The following HSPA14 variants were observed in gnomAD, a reference collection of about 807,000 sequenced individuals.
HSPA14 encodes heat shock 70 kDa protein 14.
A neutral mutation model predicts 65.5 loss-of-function variants in HSPA14; 37 were observed. The observed-to-expected ratio is 0.56, with a 90% CI of 0.43 to 0.74. HSPA14 has a LOEUF of 0.74. Among genes scored for constraint, HSPA14 ranks in the 30% least tolerant of loss-of-function variants. HSPA14 has a pLI of 0.00. For synonymous variants in HSPA14, 203 were observed against 214.2 expected, an observed-to-expected ratio of 0.95 and a Z score of 0.46; for missense variants, 564 against 607.6, an observed-to-expected ratio of 0.93 and a Z score of 0.75.
rs182313989 is a variant in HSPA14, at chr10:14,856,912, G to T, written c.993+969G>T. On this transcript the variant is annotated intron_variant, in intron 10 of 13. Coordinates refer to ENST00000378372, the MANE Select transcript of HSPA14 (RefSeq NM_016299.4). ...GATTTTTAAAATTTTCATTATTGAA[G>T]TAGTAAGTATTCATGTAAGAAAATT... Among the ~76,000 whole-genome samples the T allele has an allele frequency of 1.3e-3, 199 of 152,218 alleles. 1 individual carries two copies. The highest frequency in any genetic ancestry group is 5.0e-4 in the Non-Finnish European group (34 of 68,004).
chr10:14,855,135 G>T (rs1281119262), intron 9 of HSPA14, among the ~76,000 whole-genome samples: 1 of 152,160 alleles, frequency 6.6e-6, no homozygotes, highest in Non-Finnish European at 1.5e-5. Flanking sequence ...AGAAGGAAAT[G>T]AAATTTATAA....
intron 3 of HSPA14, chr10:14,843,871 T>C (rs1407421208): frequency 8.5e-6 from 13 of 1,536,266 alleles, no homozygotes; most frequent in East Asian, 2.4e-5. Flanking sequence ...GCTTCAGAGG[T>C]TGATTTCGAA....
At chr10:14,861,197 A>C (rs1003592938) in intron 10 of HSPA14, among the ~76,000 whole-genome samples, 1 of 152,154 alleles carries the variant, frequency 6.6e-6, no homozygotes, top group African/African-American at 2.4e-5. Context: ...GACAACTCTC[A>C]AGTTGTGTTA....
intron 8 of HSPA14, 97 bp from the exon 9 acceptor site, chr10:14,854,028 A>G: frequency 8.0e-7 from 1 of 1,247,560 alleles, no homozygotes; most frequent in East Asian, 2.6e-5. Context: ...TGATTCACTA[A>G]TTTATTATTG....
Position 14,848,877 on chromosome 10 carries a change from A to T in HSPA14, c.358A>T (p.Ile120Leu). 1 of 1,545,258 alleles carries T rather than the reference A, an allele frequency of 6.5e-7. No individual in the cohort carries two copies. Among genetic ancestry groups the T allele is most frequent in the Non-Finnish European group, 8.9e-7 (1 of 1,122,484 alleles). Residue 120 changes from isoleucine to leucine, a missense_variant, in exon 5 of 14, where the codon ATA becomes TTA. By Grantham distance (5) the Ile-to-Leu change is conservative. Coordinates refer to ENST00000378372, the MANE Select transcript of HSPA14 (RefSeq NM_016299.4). ...FVNPEDVARL[I>L]FSKMKETAHS... ...TAACCCAGAAGATGTTGCCAGACTG[A>T]TATTTAGTAAAATGAAAGGTATTTA...
At chr10:14,851,572 A>G (rs1834108875) in intron 7 of HSPA14, among the ~76,000 whole-genome samples, 1 of 152,198 alleles carries the variant, frequency 6.6e-6, no homozygotes, top group Admixed American at 6.5e-5. Flanking sequence ...GGAAGATTTG[A>G]AAGTTCGAGG....
chr10:14,852,652 C>A lies in HSPA14; in HGVS notation c.734+121C>A, dbSNP rs142894744. ...AAAGGAGGATGTGGTTTTTTCATTG[C>A]TTGGAAACTGGATATTTTCATATCT... On this transcript the variant is annotated intron_variant, in intron 8 of 13. Coordinates refer to ENST00000378372, the MANE Select transcript of HSPA14 (RefSeq NM_016299.4). The A allele has an allele frequency of 6.2e-6, 5 of 803,032 alleles. No individual in the cohort carries two copies. In the East Asian group the frequency reaches 8.0e-5, roughly 13 times the overall value. 49.7% of individuals were successfully genotyped at this position (803,032 alleles called of 1,614,324 possible). A position where few individuals can be genotyped will look rare whatever the true frequency, so the allele number is the denominator to read the frequency against.
chr10:14,864,175 G>C (rs1024299615), intron 10 of HSPA14, among the ~76,000 whole-genome samples: 4 of 149,378 alleles, frequency 2.7e-5, no homozygotes, highest in African/African-American at 9.9e-5. Context: ...GCTGCAGTGA[G>C]CTATGACTGT....
Position 14,849,740 on chromosome 10 carries a change from G to A in HSPA14, c.396G>A (p.Leu132=), listed in dbSNP as rs1409375835. The change falls in exon 6 of 14, where the codon TTG becomes TTA. Residue 132 remains leucine (L), a synonymous_variant. Coordinates refer to ENST00000378372, the MANE Select transcript of HSPA14 (RefSeq NM_016299.4). ...SKMKETAHSV[L]GSDANDVVIT... The stretch of plus-strand genomic sequence containing the variant: ...ATGCAGAAACGGCACATTCTGTATT[G>A]GGCTCAGATGCAAATGATGTAGTTA... The A allele has an allele frequency of 6.2e-7, 1 of 1,609,426 alleles. No homozygotes were observed. Among genetic ancestry groups the A allele is most frequent in the African/African-American group, 1.3e-5 (1 of 74,590 alleles).
rs1223748324 is a variant in HSPA14 at position 14,847,107 on chromosome 10, G to A, written c.222-1502G>A. The A allele has an allele frequency of 1.1e-5, 9 of 812,720 alleles. No homozygotes were observed. In the East Asian group the frequency reaches 3.8e-4, roughly 34 times the overall value. The allele number at this position is 812,720 out of a possible 1,614,324, so 50.3% of individuals were successfully genotyped here. On this transcript the variant is annotated intron_variant, in intron 3 of 13. Transcript: ENST00000378372. ...AGGGTCTTGCATGTCTGCAGCCCTC[G>A]GAGCTATATGTGCTTTCTGTCTTCA...
chr10:14,842,087 T>C lies in HSPA14; in HGVS notation c.221+1930T>C. ...GCACCACTTAACTTGCTGCCAAAAT[T>C]ATCCTTACACCCTTCCTGTAACTCT... On this transcript the variant is annotated intron_variant, in intron 3 of 13. Transcript: ENST00000378372. This position sits in a 1 kb window ranked among gnomAD's most constrained non-coding sequence, Gnocchi z 5.2. The C allele has an allele frequency of 7.0e-7, 1 of 1,427,752 alleles. No individual in the cohort carries two copies. Among genetic ancestry groups the C allele is most frequent in the East Asian group, 2.5e-5 (1 of 39,626 alleles). 88.4% of individuals were successfully genotyped at this position (1,427,752 alleles called of 1,614,324 possible).
At chr10:14,851,917 A>G (rs921689916) in intron 7 of HSPA14, among the ~76,000 whole-genome samples, 36 of 152,234 alleles carry the variant, frequency 2.4e-4, no homozygotes, top group Non-Finnish European at 7.3e-5. Context: ...AATTATTTTT[A>G]GATAAATCTG....
intron 3 of HSPA14, among the ~76,000 whole-genome samples, chr10:14,848,309 G>A (rs548791530): frequency 1.3e-5 from 2 of 152,072 alleles, no homozygotes; most frequent in Admixed American, 1.3e-4. Flanking sequence ...ACAAAATCAT[G>A]GATATTATGA....
In HSPA14 at chr10:14,860,552, AG is replaced by A. The variant is rs1201228970; in HGVS notation, c.993+4610del. On this transcript the variant is annotated intron_variant, in intron 10 of 13. Coordinates refer to ENST00000378372, the MANE Select transcript of HSPA14 (RefSeq NM_016299.4). The stretch of plus-strand genomic sequence containing the variant: ...CTGAATGAAGTGAAGTGATAGAACA[AG>A]CCATGTGAATATCTACCAGTGTCCC... Among the ~76,000 whole-genome samples the A allele has an allele frequency of 5.9e-5, 9 of 152,250 alleles. No homozygotes were observed. The East Asian group carries it at 1.7e-3, about 29-fold the overall frequency.
In HSPA14 at chr10:14,842,839, G is replaced by C. The variant is rs1399161244; in HGVS notation, c.221+2682G>C. 4 of 1,529,928 alleles carry C rather than the reference G, an allele frequency of 2.6e-6. No homozygotes were observed. The South Asian group carries it at 3.6e-5, about 14-fold the overall frequency. The allele number at this position is 1,529,928 out of a possible 1,614,324, so 94.8% of individuals were successfully genotyped here. On this transcript the variant is annotated intron_variant, in intron 3 of 13. Transcript: ENST00000378372. This position sits in a 1 kb window ranked among gnomAD's most constrained non-coding sequence, Gnocchi z 5.2. ...TTGAGGACTCCTGGGATGAATCCTC[G>C]GGTGCAGGTAACTCCCAAGCATGTG...
intron 6 of HSPA14, chr10:14,850,791 G>A (rs1255781612): frequency 6.5e-6 from 1 of 153,410 alleles, no homozygotes; most frequent in East Asian, 1.9e-4. Context: ...CATGGTTTCT[G>A]ATGTCACAGA....
In HSPA14 at chr10:14,846,765, C is replaced by T. The variant is rs534766359; in HGVS notation, c.222-1844C>T. Reference sequence around the variant, plus strand: ...AACAAGTAGGGGAAAGACTCTGGAGCACATTAGTGCTGGTGTGTGCCAAGC... The same window carrying T: ...AACAAGTAGGGGAAAGACTCTGGAGTACATTAGTGCTGGTGTGTGCCAAGC... On this transcript the variant is annotated intron_variant, in intron 3 of 13. Coordinates refer to ENST00000378372, the MANE Select transcript of HSPA14 (RefSeq NM_016299.4). 5.1e-6 allele frequency: 5 copies of T among 985,382 alleles called. No homozygotes were observed. In the South Asian group the frequency reaches 1.4e-4, roughly 28 times the overall value. The allele number at this position is 985,382 out of a possible 1,614,324, so 61.0% of individuals were successfully genotyped here.
chr10:14,838,534 TGA>T lies in HSPA14; in HGVS notation c.57+79_57+80del, dbSNP rs780737723. ...TCTGGCGCTGGGTCATCCACAGGCT[TGA>T]GAGCGGCGTGTCGCCGGCCTAGGGA... On this transcript the variant is annotated intron_variant, in intron 1 of 13. Coordinates refer to ENST00000378372, the MANE Select transcript of HSPA14 (RefSeq NM_016299.4). The T allele has an allele frequency of 1.4e-3, 2,000 of 1,402,688 alleles. 1 individual carries two copies. The highest frequency in any genetic ancestry group is 1.8e-3 in the Non-Finnish European group (1,876 of 1,032,134). 86.9% of individuals were successfully genotyped at this position (1,402,688 alleles called of 1,614,324 possible). A position where few individuals can be genotyped will look rare whatever the true frequency, so the allele number is the denominator to read the frequency against.
At chr10:14,843,657 G>T in intron 3 of HSPA14, 1 of 1,549,260 alleles carries the variant, frequency 6.5e-7, no homozygotes. Context: ...TCGCAGCCGA[G>T]TTGGCAGAAA....
Sources: gnomAD v4.1 joint callset for allele counts (sites outside exome capture counted in the v4.1 genomes callset) on GRCh38, gnomAD v4.1.1 for gene constraint, Gnocchi (gnomAD v3.1) non-coding constraint, MANE v1.5 for transcripts, NCBI Gene and HGNC (gene_info 2026-07-23, HGNC 2026-07-21) for gene names.